XYLT1: variants seen among roughly 807,000 people sequenced by gnomAD.
XYLT1 encodes the protein xylosyltransferase 1.
A neutral mutation model predicts 91.3 loss-of-function variants in XYLT1; 36 were observed. The ratio of observed to expected loss-of-function variants is 0.39; its 90% CI spans 0.30 to 0.52. The LOEUF is 0.52. Ranked by LOEUF, XYLT1 falls within the 20% of genes least tolerant of loss-of-function variation. The probability of loss-of-function intolerance (pLI) is 0.68; values close to 1 mark genes in which losing one functional copy is unlikely to be tolerated. For synonymous variants in XYLT1, 588 were observed against 532.0 expected (o/e 1.11, Z -1.45); for missense variants, 1,242 against 1,284.5 (o/e 0.97, Z 0.51).
chr16:17,271,716 G>A (rs182543693), intron 2 of XYLT1, among the ~76,000 whole-genome samples: 48 of 152,270 alleles, frequency 3.2e-4, no homozygotes, highest in Non-Finnish European at 6.3e-4. Context: ...ATTGTCAAAT[G>A]TCTCCTGGAG....
chr16:17,358,115 C>A, intron 1 of XYLT1, 65 bp from the exon 2 acceptor site: 13 of 1,403,716 alleles, frequency 9.3e-6, no homozygotes, highest in Non-Finnish European at 1.2e-5. Flanking sequence ...ACCCCAGCAT[C>A]TTTTTCTTTC....
At position 17,152,985 on chromosome 16, in the gene XYLT1, A is replaced by C. The variant is rs193259030; in HGVS notation, c.1370+5844T>G. Among the ~76,000 whole-genome samples the C allele has an allele frequency of 4.0e-3, 615 of 152,332 alleles. 6 individuals are homozygous for C. Among genetic ancestry groups the C allele is most frequent in the African/African-American group, 0.014 (575 of 41,574 alleles). On this transcript the variant is annotated intron_variant, in intron 6 of 11. Coordinates refer to ENST00000261381, the MANE Select transcript of XYLT1 (RefSeq NM_022166.4). The stretch of plus-strand genomic sequence containing the variant: ...CATGCCCACTTATAAAGGGCCCAAA[A>C]GAATCTCCCATGTCCCCAGTGGACA...
intron 10 of XYLT1, among the ~76,000 whole-genome samples, chr16:17,123,937 T>C (rs2030165848): frequency 6.6e-6 from 1 of 152,340 alleles, no homozygotes; most frequent in African/African-American, 2.4e-5. Flanking sequence ...TTGTTTTGTC[T>C]GGTAAGAATT....
At chr16:17,347,987 C>T (rs1230836374) in intron 2 of XYLT1, among the ~76,000 whole-genome samples, 1 of 152,212 alleles carries the variant, frequency 6.6e-6, no homozygotes, top group East Asian at 1.9e-4. Context: ...GGTACAGACA[C>T]AGCCAACCCA....
In XYLT1 at chr16:17,138,802, C is replaced by CTT. The variant is rs376296210; in HGVS notation, c.1588-273_1588-272dup. On this transcript the variant is annotated intron_variant, in intron 7 of 11. Transcript: ENST00000261381. ...ACAACTACCTGACTGTCAAGGGACTCTTATGTTCTCTGCATGCATTTGAGG... is the reference window on the plus strand; with the variant it reads ...ACAACTACCTGACTGTCAAGGGACTCTTTTATGTTCTCTGCATGCATTTGAGG... 227 of 353,974 alleles carry CTT rather than the reference C, an allele frequency of 6.4e-4. 2 individuals are homozygous for CTT. Among genetic ancestry groups the CTT allele is most frequent in the African/African-American group, 4.2e-3 (208 of 49,262 alleles). The allele number at this position is 353,974 out of a possible 1,614,324, so 21.9% of individuals were successfully genotyped here.
intron 1 of XYLT1, among the ~76,000 whole-genome samples, chr16:17,458,592 A>C (rs1186531061): frequency 6.6e-6 from 1 of 152,132 alleles, no homozygotes; most frequent in African/African-American, 2.4e-5. Flanking sequence ...CTTCAGAACA[A>C]AACAGCACAG....
intron 1 of XYLT1, among the ~76,000 whole-genome samples, chr16:17,379,692 A>C (rs1281376962): frequency 1.3e-5 from 2 of 151,560 alleles, no homozygotes; most frequent in African/African-American, 2.4e-5. Context: ...AAAGCCAGGG[A>C]AAGCTTTGAG....
At chr16:17,146,023 C>G (rs1165085422) in intron 6 of XYLT1, among the ~76,000 whole-genome samples, 5 of 152,222 alleles carry the variant, frequency 3.3e-5, no homozygotes, top group African/African-American at 1.2e-4. Context: ...GAAAAGTCTA[C>G]TGTGATGAGG....
At chr16:17,413,047 C>A (rs1269962225) in intron 1 of XYLT1, among the ~76,000 whole-genome samples, 3 of 152,206 alleles carry the variant, frequency 2.0e-5, no homozygotes, top group Admixed American at 2.0e-4. Context: ...AGACCACAAG[C>A]TGGATGAGGT....
At chr16:17,186,594 G>A (rs907088518) in intron 5 of XYLT1, among the ~76,000 whole-genome samples, 2 of 151,562 alleles carry the variant, frequency 1.3e-5, no homozygotes, top group South Asian at 2.1e-4. Flanking sequence ...GAGCCACTGC[G>A]CCTGCTGAAC....
intron 1 of XYLT1, among the ~76,000 whole-genome samples, chr16:17,382,194 C>T (rs889163537): frequency 4.0e-5 from 6 of 151,830 alleles, no homozygotes; most frequent in African/African-American, 9.7e-5. Context: ...ATGGAGATGC[C>T]GGTATTTGGG....
At chr16:17,219,538 C>A (rs1459196104) in intron 3 of XYLT1, among the ~76,000 whole-genome samples, 6 of 152,202 alleles carry the variant, frequency 3.9e-5, no homozygotes, top group African/African-American at 1.4e-4. Context: ...GAGCTCCAGG[C>A]AGGTCACTCT....
intron 5 of XYLT1, among the ~76,000 whole-genome samples, chr16:17,167,287 C>T (rs934223965): frequency 1.0e-4 from 16 of 152,392 alleles, no homozygotes; most frequent in Middle Eastern, 3.4e-3. Context: ...TTCAAGGGGA[C>T]TGTTGTTGAG....
chr16:17,214,318 G>A (rs1216479467), intron 3 of XYLT1, among the ~76,000 whole-genome samples: 5 of 152,164 alleles, frequency 3.3e-5, no homozygotes, highest in Admixed American at 1.3e-4. Context: ...CTGGGAGGTC[G>A]GGCAAGCTAT....
At chr16:17,378,755 G>A (rs903129432) in intron 1 of XYLT1, among the ~76,000 whole-genome samples, 4 of 152,172 alleles carry the variant, frequency 2.6e-5, no homozygotes, top group African/African-American at 7.2e-5. Flanking sequence ...AAAGTAACTG[G>A]CCCAGTGCTG....
chr16:17,321,725 G>A (rs2034725175), intron 2 of XYLT1, among the ~76,000 whole-genome samples: 2 of 152,046 alleles, frequency 1.3e-5, no homozygotes, highest in Non-Finnish European at 2.9e-5. Context: ...GGGGACATAT[G>A]GCAATGTCCA....
intron 11 of XYLT1, among the ~76,000 whole-genome samples, chr16:17,115,796 AT>A: frequency 1.8e-5 from 1 of 57,066 alleles, no homozygotes; most frequent in Non-Finnish European, 3.7e-5. Flanking sequence ...AACCTCTGTT[AT>A]ATTAAAAAAA....
At chr16:17,343,426 ATC>A (rs1338068773) in intron 2 of XYLT1, among the ~76,000 whole-genome samples, 2 of 152,114 alleles carry the variant, frequency 1.3e-5, no homozygotes, top group Non-Finnish European at 2.9e-5. Flanking sequence ...GAGGCCCTAC[ATC>A]CTTTTGTGCC....
intron 2 of XYLT1, among the ~76,000 whole-genome samples, chr16:17,344,858 G>A (rs1327077866): frequency 6.6e-6 from 1 of 151,794 alleles, no homozygotes; most frequent in African/African-American, 2.4e-5. Context: ...GCGCCACCAC[G>A]CTTGGCTAAT....
Sources: gnomAD v4.1 joint callset for allele counts (sites outside exome capture counted in the v4.1 genomes callset) on GRCh38, gnomAD v4.1.1 for gene constraint, MANE v1.5 for transcripts, NCBI Gene and HGNC (gene_info 2026-07-23, HGNC 2026-07-21) for gene names.